The following FEZ2 variants were observed in gnomAD, a reference collection of about 807,000 sequenced individuals.
The protein encoded by FEZ2 is fasciculation and elongation protein zeta 2, also known as fasciculation and elongation protein zeta-2.
FEZ2 carries 51 observed loss-of-function variants against 40.4 expected under a neutral mutation model. That is an observed-to-expected ratio of 1.26 (90% CI 1.01 to 1.59). The LOEUF (loss-of-function observed/expected upper bound fraction) is 1.59. Among genes scored for constraint, FEZ2 ranks in the 40% most tolerant of loss-of-function variants. The pLI, the probability that FEZ2 is intolerant of heterozygous loss-of-function variation, is 0.00. For synonymous variants in FEZ2, 242 were observed against 172.0 expected, an observed-to-expected ratio of 1.41 and a Z score of -3.18; for missense variants, 640 against 438.3, an observed-to-expected ratio of 1.46 and a Z score of -4.11.
At chr2:36,559,603 G>T (rs1370815251) in intron 5 of FEZ2, among the ~76,000 whole-genome samples, 1 of 152,224 alleles carries the variant, frequency 6.6e-6, no homozygotes, top group Non-Finnish European at 1.5e-5. Flanking sequence ...CTTCTTGCAG[G>T]TGATGCCCAA....
At position 36,581,366 on chromosome 2, in the gene FEZ2, T is replaced by C. The variant is rs1278212362; in HGVS notation, c.558A>G (p.Thr186=). Residue 186 remains threonine (T), a synonymous_variant, in exon 4 of 8, where the codon ACA becomes ACG. Coordinates refer to ENST00000405912, the MANE Select transcript of FEZ2 (RefSeq NM_005102.3). ...AAAGCATTGAAAGCCGATCTGACTG[T>C]GTAGGGGTTTCATCATCTTCTGGGT... ...SPDPEDDETP[T]QSDRLSMLSQ... is the part of the protein sequence containing the mutation. 2.5e-6 allele frequency: 4 copies of C among 1,613,236 alleles called. No homozygotes were observed. The highest frequency in any genetic ancestry group is 2.2e-5 in the East Asian group (1 of 44,884).
intron 1 of FEZ2, chr2:36,594,468 C>T (rs11545205): frequency 0.27 from 53,972 of 200,948 alleles, 8,137 homozygotes; most frequent in South Asian, 0.43. Context: ...AAAGGCACTT[C>T]TTACATGGCG....
chr2:36,553,562 CG>C (rs1667877630), intron 7 of FEZ2, among the ~76,000 whole-genome samples: 1 of 152,142 alleles, frequency 6.6e-6, no homozygotes, highest in African/African-American at 2.4e-5. Flanking sequence ...AGCAGCCACG[CG>C]TACATTACTT....
Position 36,552,887 on chromosome 2 carries a change from G to A in FEZ2, c.*276C>T. 2.5e-6 allele frequency: 1 copy of A among 401,748 alleles called. No homozygotes were observed. The highest frequency in any genetic ancestry group is 4.4e-6 in the Non-Finnish European group (1 of 225,860). 24.9% of individuals were successfully genotyped at this position (401,748 alleles called of 1,614,324 possible). On this transcript the variant is annotated 3_prime_UTR_variant, in exon 8 of 8. Coordinates refer to ENST00000405912, the MANE Select transcript of FEZ2 (RefSeq NM_005102.3). The stretch of plus-strand genomic sequence containing the variant: ...CTGTCAGTTAATGAGAAATACAACT[G>A]CACATGCACAATTAATATTACTCTC...
intron 5 of FEZ2, among the ~76,000 whole-genome samples, chr2:36,570,821 T>G (rs1046619867): frequency 2.0e-5 from 3 of 152,230 alleles, no homozygotes; most frequent in East Asian, 3.8e-4. Flanking sequence ...TACAGCATTA[T>G]AATCCTGACT....
chr2:36,571,862 A>C (rs1414133232), intron 5 of FEZ2, among the ~76,000 whole-genome samples: 1 of 151,064 alleles, frequency 6.6e-6, no homozygotes, highest in African/African-American at 2.4e-5. Context: ...AAAAAATACA[A>C]AAGTTAGCCG....
intron 1 of FEZ2, among the ~76,000 whole-genome samples, chr2:36,594,994 T>C (rs1669172978): frequency 6.6e-6 from 1 of 152,206 alleles, no homozygotes; most frequent in African/African-American, 2.4e-5. Context: ...ATGAACTGCC[T>C]TCATCTTTAT....
At chr2:36,574,646 A>AG (rs1378331777) in intron 5 of FEZ2, among the ~76,000 whole-genome samples, 2 of 151,722 alleles carry the variant, frequency 1.3e-5, no homozygotes, top group African/African-American at 4.9e-5. Context: ...AGGATGAGTG[A>AG]GAAAAAAAAA....
chr2:36,568,136 A>G (rs1169800938), intron 5 of FEZ2, among the ~76,000 whole-genome samples: 1 of 152,066 alleles, frequency 6.6e-6, no homozygotes, highest in Non-Finnish European at 1.5e-5. Flanking sequence ...CTCTATGCTT[A>G]AATTTTATAA....
chr2:36,581,638 AC>A (rs2125236196), intron 3 of FEZ2: 1 of 529,750 alleles, frequency 1.9e-6, no homozygotes, highest in African/African-American at 1.9e-5. Flanking sequence ...AATATACTAA[AC>A]ACAAACCTAA....
intron 2 of FEZ2, among the ~76,000 whole-genome samples, chr2:36,588,673 A>G (rs370298928): frequency 6.6e-6 from 1 of 152,108 alleles, no homozygotes; most frequent in Non-Finnish European, 1.5e-5. Context: ...TTATAGTTAT[A>G]TTGTATATAA....
intron 2 of FEZ2, among the ~76,000 whole-genome samples, chr2:36,586,246 C>A (rs886681099): frequency 6.6e-6 from 1 of 152,146 alleles, no homozygotes; most frequent in Non-Finnish European, 1.5e-5. Flanking sequence ...CTTCACACCC[C>A]CTTCCCAATC....
intron 1 of FEZ2, among the ~76,000 whole-genome samples, chr2:36,594,070 T>C (rs1204611361): frequency 6.6e-6 from 1 of 151,992 alleles, no homozygotes; most frequent in Non-Finnish European, 1.5e-5. Context: ...TGCCAAAACA[T>C]AACAAGGGTC....
At chr2:36,556,885 T>TCTCC (rs1572998621) in intron 6 of FEZ2, 1 of 152,268 alleles carries the variant, frequency 6.6e-6, no homozygotes, top group East Asian at 1.9e-4. Flanking sequence ...ACTGTGACTG[T>TCTCC]CTCCACAGGG....
intron 5 of FEZ2, among the ~76,000 whole-genome samples, chr2:36,561,838 C>A (rs1668100569): frequency 6.6e-6 from 1 of 152,106 alleles, no homozygotes; most frequent in South Asian, 2.1e-4. Flanking sequence ...GAATATTTTA[C>A]CAGGCCCCAA....
At chr2:36,555,591 G>C (rs537727764) in intron 7 of FEZ2, 92 bp downstream of exon 7, 1 of 600,322 alleles carries the variant, frequency 1.7e-6, no homozygotes, top group East Asian at 2.9e-5. Flanking sequence ...TTGTGCATTG[G>C]GAAGTTACTG....
In FEZ2 at chr2:36,578,759, A is replaced by ATC; in HGVS notation, c.739_740dup (p.Asp247GlufsTer10). 6.2e-7 allele frequency: 1 copy of ATC among 1,613,910 alleles called. No homozygotes were observed. The highest frequency in any genetic ancestry group is 8.5e-7 in the Non-Finnish European group (1 of 1,179,878). On this transcript the variant is annotated frameshift_variant, in exon 5 of 8. Coordinates refer to ENST00000405912, the MANE Select transcript of FEZ2 (RefSeq NM_005102.3). LOFTEE classifies it high-confidence loss of function. The stretch of plus-strand genomic sequence containing the variant: ...TCACTTCCTTTTCAAACTCCAGTTC[A>ATC]TCTCGTAAAGCCAACTGCTGCACCA...
intron 2 of FEZ2, among the ~76,000 whole-genome samples, chr2:36,586,626 C>CAAA (rs35106853): frequency 8.2e-6 from 1 of 121,846 alleles, no homozygotes. Flanking sequence ...GACCATGTCT[C>CAAA]AAAAAAAAAA....
chr2:36,598,085 G>A lies in FEZ2; in HGVS notation c.58C>T (p.Leu20Phe). 5 of 1,497,752 alleles carry A rather than the reference G, an allele frequency of 3.3e-6. No homozygotes were observed. The highest frequency in any genetic ancestry group is 1.5e-5 in the African/African-American group (1 of 68,334). 92.8% of individuals were successfully genotyped at this position (1,497,752 alleles called of 1,614,324 possible). A position where few individuals can be genotyped will look rare whatever the true frequency, so the allele number is the denominator to read the frequency against. ...FYEFQEPARS[L>F]LDQENCNASP... ...GCGTTACAGTTCTCCTGGTCCAGGAGGCTCCGGGCCGGCTCCTGGAACTCA... is the reference window on the plus strand; with the variant it reads ...GCGTTACAGTTCTCCTGGTCCAGGAAGCTCCGGGCCGGCTCCTGGAACTCA... The change falls in exon 1 of 8, where the codon CTC (leucine) becomes TTC (phenylalanine). Residue 20 changes from leucine to phenylalanine, a missense_variant. Leu to Phe is a conservative substitution (Grantham distance 22, BLOSUM62 0). Transcript: ENST00000405912.
Sources: allele counts gnomAD v4.1 joint callset (sites outside exome capture counted in the v4.1 genomes callset), GRCh38; gene constraint gnomAD v4.1.1; transcripts MANE v1.5; gene names NCBI Gene and HGNC (gene_info 2026-07-23, HGNC 2026-07-21).